Variants in RETREG1 observed in about 807,000 individuals in gnomAD.
RETREG1 encodes the protein reticulophagy regulator 1.
In RETREG1, 44 loss-of-function variants were observed where a neutral mutation model predicts 54.8. That is an observed-to-expected ratio of 0.80 (90% CI 0.63 to 1.03). The LOEUF (loss-of-function observed/expected upper bound fraction) is 1.03, where lower values mean the gene tolerates loss of function less well. RETREG1 is among the 50% of genes least tolerant of loss of function. The pLI, the probability that RETREG1 is intolerant of heterozygous loss-of-function variation, is 0.00. For synonymous variants in RETREG1, 217 were observed against 238.5 expected, an observed-to-expected ratio of 0.91 and a Z score of 0.83; for missense variants, 554 against 605.1, an observed-to-expected ratio of 0.92 and a Z score of 0.89.
intron 1 of RETREG1, among the ~76,000 whole-genome samples, chr5:16,598,095 G>A (rs535180531): frequency 6.6e-6 from 1 of 151,780 alleles, no homozygotes; most frequent in Admixed American, 6.6e-5. Context: ...ACGGAACTCT[G>A]TGCACATTTT....
chr5:16,474,689 G>GAAATTTTTTTTGTTTTTTTTTTTTTTT lies in RETREG1; in HGVS notation c.*51_*52insAAAAAAAAAAAAAAACAAAAAAAATTT. On this transcript the variant is annotated 3_prime_UTR_variant, in exon 9 of 9. Coordinates refer to ENST00000306320, the MANE Select transcript of RETREG1 (RefSeq NM_001034850.3). The stretch of plus-strand genomic sequence containing the variant: ...TTTTCCTTTTTTTTTTTTTTTTCTT[G>GAAATTTTTTTTGTTTTTTTTTTTTTTT]TTTGAAATTTTTTTGGTGTTTTTTG... The GAAATTTTTTTTGTTTTTTTTTTTTTTT allele has an allele frequency of 9.1e-7, 1 of 1,096,482 alleles. No homozygotes were observed. Among genetic ancestry groups the GAAATTTTTTTTGTTTTTTTTTTTTTTT allele is most frequent in the Non-Finnish European group, 1.2e-6 (1 of 841,780 alleles). 67.9% of individuals were successfully genotyped at this position (1,096,482 alleles called of 1,614,324 possible).
intron 3 of RETREG1, among the ~76,000 whole-genome samples, chr5:16,493,265 T>C (rs1275578272): frequency 6.6e-6 from 1 of 152,198 alleles, no homozygotes; most frequent in Non-Finnish European, 1.5e-5. Flanking sequence ...TAGTATTTAT[T>C]ACAGTTTCAA....
intron 3 of RETREG1, among the ~76,000 whole-genome samples, chr5:16,528,098 C>T (rs1271201038): frequency 3.3e-5 from 5 of 152,100 alleles, no homozygotes; most frequent in African/African-American, 4.8e-5. Flanking sequence ...CGTGAGCCAC[C>T]GCGCCCGGCC....
intron 2 of RETREG1, among the ~76,000 whole-genome samples, chr5:16,568,885 T>C (rs1742095305): frequency 6.6e-6 from 1 of 152,060 alleles, no homozygotes. Context: ...CAATAAAAGT[T>C]TCATATTTTT....
At chr5:16,589,390 G>A (rs1328157416) in intron 1 of RETREG1, among the ~76,000 whole-genome samples, 1 of 146,760 alleles carries the variant, frequency 6.8e-6, no homozygotes, top group African/African-American at 2.5e-5. Flanking sequence ...TTATTTGTTT[G>A]TCTGTTTTCA....
chr5:16,478,328 G>A (rs996869839), intron 6 of RETREG1, among the ~76,000 whole-genome samples: 4 of 152,096 alleles, frequency 2.6e-5, no homozygotes, highest in Non-Finnish European at 4.4e-5. Flanking sequence ...CCCTGAAACA[G>A]CAAAAGCATC....
At chr5:16,583,995 C>T (rs1368120588) in intron 1 of RETREG1, among the ~76,000 whole-genome samples, 1 of 152,160 alleles carries the variant, frequency 6.6e-6, no homozygotes, top group African/African-American at 2.4e-5. Flanking sequence ...TTCGCAGCAA[C>T]CTGGATGGAA....
intron 3 of RETREG1, among the ~76,000 whole-genome samples, chr5:16,504,499 T>C (rs1035749940): frequency 4.6e-5 from 7 of 152,188 alleles, no homozygotes; most frequent in Non-Finnish European, 1.0e-4. Flanking sequence ...CACCGCTGCC[T>C]ACCTGGCCCA....
intron 3 of RETREG1, among the ~76,000 whole-genome samples, chr5:16,512,721 G>A (rs573601199): frequency 7.2e-5 from 11 of 152,144 alleles, no homozygotes; most frequent in Admixed American, 3.3e-4. Flanking sequence ...AGATGCCAGC[G>A]TGAAGACAGG....
chr5:16,579,328 A>G (rs984538443), intron 1 of RETREG1, among the ~76,000 whole-genome samples: 1 of 152,308 alleles, frequency 6.6e-6, no homozygotes, highest in Non-Finnish European at 1.5e-5. Flanking sequence ...AAGGAGACGC[A>G]GGACCAGGAC....
intron 3 of RETREG1, among the ~76,000 whole-genome samples, chr5:16,500,404 G>A (rs1008941578): frequency 2.0e-5 from 3 of 152,094 alleles, no homozygotes; most frequent in African/African-American, 7.2e-5. Flanking sequence ...TGAGAGAATG[G>A]GTGAATGAGA....
intron 3 of RETREG1, among the ~76,000 whole-genome samples, chr5:16,556,287 C>T (rs1161199555): frequency 6.6e-6 from 1 of 151,918 alleles, no homozygotes; most frequent in African/African-American, 2.4e-5. Flanking sequence ...GCCTCCGGAG[C>T]TGGGACTACA....
chr5:16,540,739 A>G (rs929432107), intron 3 of RETREG1, among the ~76,000 whole-genome samples: 1 of 152,162 alleles, frequency 6.6e-6, no homozygotes, highest in South Asian at 2.1e-4. Context: ...TCTTCCTCAC[A>G]CCAGCCACAG....
At position 16,475,062 on chromosome 5, in the gene RETREG1, T is replaced by C. The variant is rs2126505679; in HGVS notation, c.1173A>G (p.Gln391=). 6.2e-7 allele frequency: 1 copy of C among 1,613,906 alleles called. No homozygotes were observed. The highest frequency in any genetic ancestry group is 8.5e-7 in the Non-Finnish European group (1 of 1,179,894). The change falls in exon 9 of 9, where the codon CAA becomes CAG. Residue 391 remains glutamine, a synonymous_variant. Coordinates refer to ENST00000306320, the MANE Select transcript of RETREG1 (RefSeq NM_001034850.3). ...DSGHRPSKET[Q]SAAGLTLPLN... ...GAGGAAGGGTGAGACCAGCTGCTGA[T>C]TGCGTCTCTTTGCTTGGTCTGTGAC...
intron 3 of RETREG1, among the ~76,000 whole-genome samples, chr5:16,484,641 G>C (rs566049517): frequency 6.6e-6 from 1 of 152,218 alleles, no homozygotes; most frequent in African/African-American, 2.4e-5. Context: ...CAGATTCTGT[G>C]ACTTTTAATA....
intron 1 of RETREG1, among the ~76,000 whole-genome samples, chr5:16,577,751 C>T (rs903384777): frequency 2.0e-5 from 3 of 151,950 alleles, no homozygotes; most frequent in African/African-American, 7.2e-5. Flanking sequence ...ATCACAGGGG[C>T]GGTTTCTCCC....
At chr5:16,505,374 G>A (rs1336967669) in intron 3 of RETREG1, among the ~76,000 whole-genome samples, 1 of 152,058 alleles carries the variant, frequency 6.6e-6, no homozygotes, top group East Asian at 1.9e-4. Context: ...CATTTCCTCA[G>A]CCCCTATTAT....
intron 1 of RETREG1, 142 bp downstream of exon 1, chr5:16,616,510 A>G: frequency 7.2e-7 from 1 of 1,395,096 alleles, no homozygotes; most frequent in Non-Finnish European, 9.5e-7. Flanking sequence ...TGTTCGAGAC[A>G]GGTGGCCGAG....
Position 16,585,141 on chromosome 5 carries a change from C to T in RETREG1, c.321-13039G>A, listed in dbSNP as rs1194409956. On this transcript the variant is annotated intron_variant, in intron 1 of 8. Coordinates refer to ENST00000306320, the MANE Select transcript of RETREG1 (RefSeq NM_001034850.3). The surrounding 1 kb of genome is among the most constrained non-coding windows in gnomAD (Gnocchi z 4.5). ...CAGGGAAATGGTGGGTAGTAACAATCAGAGTCTGCTGCAGTGGAGGAGGGG... is the reference window on the plus strand; with the variant it reads ...CAGGGAAATGGTGGGTAGTAACAATTAGAGTCTGCTGCAGTGGAGGAGGGG... Among the ~76,000 whole-genome samples the T allele has an allele frequency of 1.3e-5, 2 of 152,134 alleles. No homozygotes were observed. Among genetic ancestry groups the T allele is most frequent in the Non-Finnish European group, 2.9e-5 (2 of 68,024 alleles).
Sources: gnomAD v4.1 joint callset for allele counts (sites outside exome capture counted in the v4.1 genomes callset) on GRCh38, gnomAD v4.1.1 for gene constraint, Gnocchi (gnomAD v3.1) non-coding constraint, MANE v1.5 for transcripts, NCBI Gene and HGNC (gene_info 2026-07-23, HGNC 2026-07-21) for gene names.